MBTPS1: variants seen among roughly 807,000 people sequenced by gnomAD.
MBTPS1 encodes membrane bound transcription factor peptidase, site 1.
Under a neutral mutation model 127.8 loss-of-function variants are expected in MBTPS1, and 94 were observed. The ratio of observed to expected loss-of-function variants is 0.74; its 90% confidence interval spans 0.62 to 0.87. The LOEUF (loss-of-function observed/expected upper bound fraction) is 0.87. Ranked by LOEUF, MBTPS1 falls within the 40% of genes least tolerant of loss-of-function variation. The pLI, the probability that MBTPS1 is intolerant of heterozygous loss-of-function variation, is 0.00. For missense variants in MBTPS1, 1,636 were observed against 1,353.2 expected, an observed-to-expected ratio of 1.21 and a Z score of -3.28; for synonymous variants, 632 against 509.4, an observed-to-expected ratio of 1.24 and a Z score of -3.24.
intron 3 of MBTPS1, 89 bp from the exon 4 acceptor site, chr16:84,095,894 G>A (rs371652363): frequency 3.4e-5 from 36 of 1,053,014 alleles, no homozygotes; most frequent in African/African-American, 7.8e-5. Context: ...ACACAGGGAG[G>A]ATTACCATTT....
At position 84,054,140 on chromosome 16, in the gene MBTPS1, C is replaced by T. The variant is rs1354965173; in HGVS notation, c.*309G>A. On this transcript the variant is annotated 3_prime_UTR_variant, in exon 23 of 23. Transcript: ENST00000343411. The stretch of plus-strand genomic sequence containing the variant: ...TCATTTGTTTGGAAAGTACATCCTT[C>T]CCCTGCAGTCAGAAGACCCCAGACA... 4.1e-6 allele frequency: 1 copy of T among 245,858 alleles called. No individual in the cohort carries two copies. Among genetic ancestry groups the T allele is most frequent in the Non-Finnish European group, 7.8e-6 (1 of 127,808 alleles). 15.2% of individuals were successfully genotyped at this position (245,858 alleles called of 1,614,324 possible).
chr16:84,085,551 T>TC, intron 9 of MBTPS1, among the ~76,000 whole-genome samples: 1 of 128,784 alleles, frequency 7.8e-6, no homozygotes, highest in African/African-American at 3.0e-5. Context: ...TGAGATCCTG[T>TC]CCCCCTCAGC....
intron 11 of MBTPS1, 145 bp from the exon 12 acceptor site, chr16:84,074,886 T>C: frequency 1.5e-6 from 1 of 674,620 alleles, no homozygotes; most frequent in South Asian, 2.0e-5. Context: ...ATCTGGGAAC[T>C]TGGCTCTGGA....
At chr16:84,108,018 G>A (rs1016279043) in intron 1 of MBTPS1, among the ~76,000 whole-genome samples, 2 of 151,610 alleles carry the variant, frequency 1.3e-5, no homozygotes, top group Non-Finnish European at 2.9e-5. Context: ...GGCCTAAAGA[G>A]ATCTTGTCCC....
intron 3 of MBTPS1, among the ~76,000 whole-genome samples, chr16:84,096,211 A>T (rs147066677): frequency 3.9e-5 from 6 of 152,172 alleles, no homozygotes; most frequent in Non-Finnish European, 7.4e-5. Context: ...TATTTTTACT[A>T]TAAGTTTCAC....
intron 1 of MBTPS1, among the ~76,000 whole-genome samples, chr16:84,105,742 C>A (rs949422135): frequency 2.6e-5 from 4 of 152,234 alleles, no homozygotes; most frequent in Middle Eastern, 3.4e-3. Context: ...CCTCTTCCAT[C>A]CAATGGCAGT....
intron 3 of MBTPS1, among the ~76,000 whole-genome samples, chr16:84,098,693 C>T (rs968576741): frequency 2.6e-5 from 4 of 152,078 alleles, no homozygotes; most frequent in Admixed American, 6.6e-5. Context: ...GACACAAGGA[C>T]GCGTCTTTCA....
chr16:84,091,001 A>G, intron 7 of MBTPS1, 59 bp from the exon 8 acceptor site: 2 of 400,274 alleles, frequency 5.0e-6, no homozygotes, highest in Middle Eastern at 7.8e-4. Flanking sequence ...ATAACTGTCA[A>G]AAAAAAAAAA....
In MBTPS1 at chr16:84,074,668, C is replaced by T. The variant is rs1326626853; in HGVS notation, c.1522G>A (p.Gly508Arg). 6 of 1,613,918 alleles carry T rather than the reference C, an allele frequency of 3.7e-6. No individual in the cohort carries two copies. The highest frequency in any genetic ancestry group is 5.1e-6 in the Non-Finnish European group (6 of 1,179,968). ...WPYCSQPIYY[G>R]GMPTVVNVTI... The stretch of plus-strand genomic sequence containing the variant: ...ACATTAACAACTGTCGGCATTCCTC[C>T]ATAGTAGATGGGCTGGGAGCAGTAG... Residue 508 changes from glycine (G) to arginine (R), a missense_variant, in exon 12 of 23, where the codon GGA (glycine) becomes AGA (arginine). Transcript: ENST00000343411.
rs2085756169 is a variant in MBTPS1, at chr16:84,070,613, G to T, written c.1757C>A (p.Thr586Asn). 7 of 1,612,686 alleles carry T rather than the reference G, an allele frequency of 4.3e-6. No individual in the cohort carries two copies. Among genetic ancestry groups the T allele is most frequent in the Non-Finnish European group, 5.9e-6 (7 of 1,179,836 alleles). Residue 586 changes from threonine (T) to asparagine (N), a missense_variant, in exon 13 of 23, where the codon ACT becomes AAT. Coordinates refer to ENST00000343411, the MANE Select transcript of MBTPS1 (RefSeq NM_003791.4). The stretch of plus-strand genomic sequence containing the variant: ...CTCTGTCTCTGCTGGGGAAGCCACA[G>T]TGATCATGACATGGCCCTGAGCAAT... ...EGIAQGHVMI[T>N]VASPAETESK...
chr16:84,092,489 C>T (rs61702837), intron 6 of MBTPS1, among the ~76,000 whole-genome samples: 14,163 of 152,016 alleles, frequency 0.093, 878 homozygotes, highest in East Asian at 0.24. Context: ...TTCTCATATA[C>T]ACCAAAGAAA....
chr16:84,088,662 C>CA (rs1445861227), intron 8 of MBTPS1, among the ~76,000 whole-genome samples: 1 of 152,194 alleles, frequency 6.6e-6, no homozygotes, highest in African/African-American at 2.4e-5. Flanking sequence ...GCTGGCACCA[C>CA]AGAGTCTAGG....
rs1457188773 is a variant in MBTPS1 at position 84,054,212 on chromosome 16, G to A, written c.*237C>T. 2.7e-6 allele frequency: 1 copy of A among 365,832 alleles called. No individual in the cohort carries two copies. The highest frequency in any genetic ancestry group is 4.9e-6 in the Non-Finnish European group (1 of 202,888). 22.7% of individuals were successfully genotyped at this position (365,832 alleles called of 1,614,324 possible). Reference sequence around the variant, plus strand: ...CTTTGGTGCGCACAGCTGCCGGCGGGAAGTCTCACTGGCGGCAGAGCCACT... The same window carrying A: ...CTTTGGTGCGCACAGCTGCCGGCGGAAAGTCTCACTGGCGGCAGAGCCACT... On this transcript the variant is annotated 3_prime_UTR_variant, in exon 23 of 23. Coordinates refer to ENST00000343411, the MANE Select transcript of MBTPS1 (RefSeq NM_003791.4).
chr16:84,105,005 G>A (rs1293536713), intron 1 of MBTPS1, among the ~76,000 whole-genome samples: 1 of 151,970 alleles, frequency 6.6e-6, no homozygotes, highest in Non-Finnish European at 1.5e-5. Context: ...CGGAGGGTGA[G>A]GCAGGATAAT....
intron 12 of MBTPS1, among the ~76,000 whole-genome samples, chr16:84,073,492 C>A (rs2085803230): frequency 6.6e-6 from 1 of 151,818 alleles, no homozygotes; most frequent in South Asian, 2.1e-4. Flanking sequence ...GAATTTTTGC[C>A]AAGTGCACAA....
intron 10 of MBTPS1, among the ~76,000 whole-genome samples, chr16:84,082,540 T>C (rs1022723130): frequency 6.6e-6 from 1 of 152,204 alleles, no homozygotes; most frequent in African/African-American, 2.4e-5. Context: ...GCTAGGAACT[T>C]AGCCTGGTGA....
In MBTPS1 at chr16:84,055,012, C is replaced by T. The variant is rs573149674; in HGVS notation, c.2963-367G>A. ...AAGGGAAGATGGGCACGTCTCTATCCAGGGGAGAAGGAGGGGCCTGTGGTT... is the reference window on the plus strand; with the variant it reads ...AAGGGAAGATGGGCACGTCTCTATCTAGGGGAGAAGGAGGGGCCTGTGGTT... On this transcript the variant is annotated intron_variant, in intron 22 of 22. Transcript: ENST00000343411. Among the ~76,000 whole-genome samples, 6 of 152,260 alleles carry T rather than the reference C, an allele frequency of 3.9e-5. No individual in the cohort carries two copies. In the East Asian group the frequency reaches 9.7e-4, roughly 25 times the overall value.
At chr16:84,084,579 T>G (rs1230308048) in intron 10 of MBTPS1, among the ~76,000 whole-genome samples, 4 of 152,238 alleles carry the variant, frequency 2.6e-5, no homozygotes, top group Non-Finnish European at 4.4e-5. Context: ...TTTTCTTTTT[T>G]AAAGTGAATC....
intron 1 of MBTPS1, chr16:84,110,619 T>C (rs1003815320): frequency 2.0e-5 from 3 of 152,160 alleles, no homozygotes; most frequent in Admixed American, 1.3e-4. Context: ...TTCTAAGTAG[T>C]CTGCAAATAT....
Sources: gnomAD v4.1 joint callset for allele counts (sites outside exome capture counted in the v4.1 genomes callset) on GRCh38, gnomAD v4.1.1 for gene constraint, MANE v1.5 for transcripts, NCBI Gene and HGNC (gene_info 2026-07-23, HGNC 2026-07-21) for gene names.